AK9: variants seen among roughly 807,000 people sequenced by gnomAD.
AK9 encodes the protein adenylate kinase domain containing 1.
AK9 carries 191 observed loss-of-function variants against 239.6 expected under a neutral mutation model. The ratio of observed to expected loss-of-function variants is 0.80; its 90% CI spans 0.71 to 0.90. AK9 has a LOEUF of 0.90. Ranked by LOEUF, AK9 falls within the 40% of genes least tolerant of loss-of-function variation. The pLI, the probability that AK9 is intolerant of heterozygous loss-of-function variation, is 0.00. For missense variants in AK9, 1,995 were observed against 2,214.7 expected (o/e 0.90, Z 1.99); for synonymous variants, 689 against 721.0 (o/e 0.96, Z 0.71).
chr6:109,632,110 T>TG (rs1315838667), intron 12 of AK9: 10 of 969,074 alleles, frequency 1.0e-5, no homozygotes, highest in Non-Finnish European at 1.1e-5. Flanking sequence ...GGTGGTTACA[T>TG]GGGGGTTCAT....
chr6:109,674,304 C>T (rs747265250), intron 2 of AK9, 43 bp from the exon 3 acceptor site: 5 of 1,374,786 alleles, frequency 3.6e-6, no homozygotes, highest in African/African-American at 2.9e-5. Flanking sequence ...AGAACAGTTA[C>T]TTGCCAGTGA....
intron 17 of AK9, among the ~76,000 whole-genome samples, chr6:109,600,760 G>A (rs982632100): frequency 1.3e-5 from 2 of 152,136 alleles, no homozygotes; most frequent in Non-Finnish European, 2.9e-5. Flanking sequence ...TTCAGAGCCT[G>A]TTATTGGTCT....
In AK9 at chr6:109,522,229, C is replaced by G. The variant is rs138651899; in HGVS notation, c.3634-5587G>C. On this transcript the variant is annotated intron_variant, in intron 29 of 40. Transcript: ENST00000424296. ...AGCTTCTCTTTATACCCGCCAATCT[C>G]AAATTTCATAAGGATGTGTCTAATG... 3.7e-3 allele frequency among the ~76,000 whole-genome samples: 569 copies of G among 152,168 alleles called. 3 individuals carry two copies. Among genetic ancestry groups the G allele is most frequent in the African/African-American group, 0.013 (545 of 41,554 alleles).
chr6:109,613,787 AATTTT>A (rs1229620264), intron 15 of AK9, among the ~76,000 whole-genome samples: 1 of 151,774 alleles, frequency 6.6e-6, no homozygotes. Flanking sequence ...TGAATAGAAA[AATTTT>A]ATAAGGATAA....
At chr6:109,648,795 G>A (rs1250859710) in intron 8 of AK9, among the ~76,000 whole-genome samples, 1 of 152,072 alleles carries the variant, frequency 6.6e-6, no homozygotes. Context: ...CCAAAAAAGA[G>A]AATTTTAGAC....
At chr6:109,651,053 T>G (rs1174122478) in intron 8 of AK9, among the ~76,000 whole-genome samples, 2 of 150,562 alleles carry the variant, frequency 1.3e-5, no homozygotes, top group African/African-American at 4.9e-5. Flanking sequence ...GACACAGGAA[T>G]GGGAACATCA....
At chr6:109,575,991 A>C (rs1231008533) in intron 20 of AK9, among the ~76,000 whole-genome samples, 3 of 151,450 alleles carry the variant, frequency 2.0e-5, no homozygotes, top group Non-Finnish European at 4.4e-5. Flanking sequence ...TAAATATTTG[A>C]CTGTATTTCT....
At chr6:109,514,575 G>A in intron 31 of AK9, 138 bp from the exon 32 acceptor site, 1 of 750,172 alleles carries the variant, frequency 1.3e-6, no homozygotes, top group South Asian at 2.0e-5. Context: ...TATAATCAAA[G>A]GTTAATATTA....
chr6:109,565,845 T>C (rs1430763139), intron 21 of AK9, among the ~76,000 whole-genome samples: 7 of 152,168 alleles, frequency 4.6e-5, no homozygotes. Context: ...GTCTTCTGAG[T>C]TAGCTAAAAT....
rs1779036931 is a variant in AK9, at chr6:109,514,226, G to A, written c.4277C>T (p.Thr1426Ile). ...AACAAAGGCAAACATACGCTCACCT[G>A]TAGTTTTCCCAGATTTTGGAGGCCC... ...IVGPPKSGKT[T>I]VAKKITSEYG... Residue 1426 changes from threonine to isoleucine, a missense_variant and splice_region_variant, in exon 32 of 41, where the codon ACA becomes ATA. By Grantham distance (89) the Thr-to-Ile change is moderately conservative. Transcript: ENST00000424296. The A allele has an allele frequency of 6.5e-7, 1 of 1,549,956 alleles. No individual in the cohort carries two copies. Among genetic ancestry groups the A allele is most frequent in the Middle Eastern group, 1.7e-4 (1 of 5,984 alleles).
intron 24 of AK9, among the ~76,000 whole-genome samples, chr6:109,555,803 C>T (rs1033308647): frequency 3.9e-5 from 6 of 152,152 alleles, no homozygotes; most frequent in African/African-American, 1.4e-4. Context: ...GTTTCAAGTC[C>T]GTTTGGTCAG....
At chr6:109,522,114 T>C (rs1779933014) in intron 29 of AK9, among the ~76,000 whole-genome samples, 1 of 152,112 alleles carries the variant, frequency 6.6e-6, no homozygotes, top group Non-Finnish European at 1.5e-5. Flanking sequence ...CTTTGTCTTT[T>C]ACTATCCAGT....
At chr6:109,669,621 C>A (rs945548365) in intron 5 of AK9, among the ~76,000 whole-genome samples, 2 of 152,126 alleles carry the variant, frequency 1.3e-5, no homozygotes, top group Non-Finnish European at 2.9e-5. Flanking sequence ...TTGTCAAAGG[C>A]CTTTTCTGCA....
chr6:109,667,610 T>C (rs1221043169), intron 5 of AK9, among the ~76,000 whole-genome samples: 2 of 151,720 alleles, frequency 1.3e-5, no homozygotes, highest in Non-Finnish European at 1.5e-5. Context: ...TGTCCAAGTG[T>C]TCTCATTGTT....
intron 8 of AK9, among the ~76,000 whole-genome samples, chr6:109,651,820 C>A (rs4308601): frequency 6.6e-6 from 1 of 152,040 alleles, no homozygotes; most frequent in African/African-American, 2.4e-5. Context: ...TGGATAAATT[C>A]CTGGACATAT....
intron 17 of AK9, among the ~76,000 whole-genome samples, chr6:109,596,125 A>G (rs755815541): frequency 2.6e-5 from 4 of 152,244 alleles, no homozygotes; most frequent in Admixed American, 6.5e-5. Flanking sequence ...GCTGCAGCCA[A>G]TGCAGATGGG....
At position 109,579,565 on chromosome 6, in the gene AK9, T is replaced by C. The variant is rs778016477; in HGVS notation, c.2176A>G (p.Lys726Glu). ...CTGTGCTTGCCTTTTGCCTTCACTT[T>C]CATAAGTTCCAGTAGCCTTCGATTT... ...EENRRLLELM[K>E]VKAKEAEETD... Residue 726 changes from lysine (K) to glutamate (E), a missense_variant, in exon 20 of 41, where the codon AAA becomes GAA. Transcript: ENST00000424296. The C allele has an allele frequency of 5.2e-6, 8 of 1,551,612 alleles. No homozygotes were observed. Among genetic ancestry groups the C allele is most frequent in the Non-Finnish European group, 7.0e-6 (8 of 1,146,834 alleles).
chr6:109,540,156 A>G (rs1271872646), intron 27 of AK9, among the ~76,000 whole-genome samples: 2 of 152,168 alleles, frequency 1.3e-5, no homozygotes, highest in African/African-American at 2.4e-5. Context: ...TTAAGTCTGC[A>G]GAGGTTTCTG....
At chr6:109,654,579 C>T (rs1799427652) in intron 8 of AK9, among the ~76,000 whole-genome samples, 1 of 152,162 alleles carries the variant, frequency 6.6e-6, no homozygotes, top group South Asian at 2.1e-4. Context: ...AATCCACCCA[C>T]CTTGGCCTCC....
Sources: allele counts gnomAD v4.1 joint callset (sites outside exome capture counted in the v4.1 genomes callset), GRCh38; gene constraint gnomAD v4.1.1; transcripts MANE v1.5; gene names NCBI Gene and HGNC (gene_info 2026-07-23, HGNC 2026-07-21).